The following FHIT variants were observed in gnomAD, a reference collection of about 807,000 sequenced individuals.
FHIT encodes bis(5'-adenosyl)-triphosphatase.
In FHIT, 19 loss-of-function variants were observed where a neutral mutation model predicts 17.9. The observed-to-expected ratio is 1.06, with a 90% CI of 0.74 to 1.56. FHIT has a LOEUF of 1.56. FHIT is among the 40% of genes most tolerant of loss of function. The pLI is 0.00. For synonymous variants in FHIT, 81 were observed against 69.7 expected (o/e 1.16, Z -0.81); for missense variants, 248 against 189.2 (o/e 1.31, Z -1.82).
At chr3:59,962,323 T>G (rs1707724825) in intron 7 of FHIT, among the ~76,000 whole-genome samples, 1 of 152,032 alleles carries the variant, frequency 6.6e-6, no homozygotes, top group Admixed American at 6.5e-5. Flanking sequence ...GTTCTCAGTT[T>G]TTTTCTTCTT....
chr3:61,101,838 T>A (rs898526909), intron 2 of FHIT, among the ~76,000 whole-genome samples: 6 of 152,204 alleles, frequency 3.9e-5, no homozygotes, highest in African/African-American at 1.4e-4. Context: ...AGTTCACTTA[T>A]GATTTAGCTC....
chr3:60,826,346 G>A (rs1702122418), intron 3 of FHIT, among the ~76,000 whole-genome samples: 1 of 149,434 alleles, frequency 6.7e-6, no homozygotes, highest in South Asian at 2.1e-4. Flanking sequence ...TTTGTTTTGA[G>A]ATGGACTTTC....
intron 7 of FHIT, among the ~76,000 whole-genome samples, chr3:60,009,250 C>A (rs1029578756): frequency 2.0e-4 from 28 of 140,072 alleles, no homozygotes; most frequent in African/African-American, 7.4e-4. Context: ...TTCTTATAAC[C>A]ACCATATTCT....
chr3:60,016,098 A>G (rs1478999421), intron 5 of FHIT, among the ~76,000 whole-genome samples: 1 of 152,174 alleles, frequency 6.6e-6, no homozygotes, highest in African/African-American at 2.4e-5. Flanking sequence ...ATGAAGACAC[A>G]TTTACTTCTG....
At chr3:59,943,789 G>A (rs1706656943) in intron 7 of FHIT, among the ~76,000 whole-genome samples, 1 of 152,164 alleles carries the variant, frequency 6.6e-6, no homozygotes, top group South Asian at 2.1e-4. Context: ...GAAAGCCAAA[G>A]GCAGCTTAAG....
At chr3:60,593,993 T>A (rs2038178263) in intron 4 of FHIT, among the ~76,000 whole-genome samples, 3 of 152,134 alleles carry the variant, frequency 2.0e-5, no homozygotes, top group African/African-American at 7.2e-5. Flanking sequence ...TCTCATGGTA[T>A]ATGAAAGTAA....
intron 8 of FHIT, among the ~76,000 whole-genome samples, chr3:59,753,295 A>C (rs973198773): frequency 6.6e-6 from 1 of 152,230 alleles, no homozygotes; most frequent in Non-Finnish European, 1.5e-5. Context: ...AAAACAACTT[A>C]CAAAAAATTA....
At chr3:60,235,922 A>G (rs1704760218) in intron 5 of FHIT, among the ~76,000 whole-genome samples, 1 of 152,136 alleles carries the variant, frequency 6.6e-6, no homozygotes, top group South Asian at 2.1e-4. Flanking sequence ...TCCAGGGTTC[A>G]TAGGGTATTG....
rs537134645 is a variant in FHIT at position 60,761,354 on chromosome 3, G to C, written c.-18+60565C>G. 3.3e-5 allele frequency among the ~76,000 whole-genome samples: 5 copies of C among 152,296 alleles called. 1 individual carries two copies. The highest frequency in any genetic ancestry group is 4.1e-4 in the South Asian group (2 of 4,822). On this transcript the variant is annotated intron_variant, in intron 4 of 9. Transcript: ENST00000492590. Reference sequence around the variant, plus strand: ...TATGAGCACATGCATGTCTCAGAGAGAGCAACAGATAAAAAATTATTTCTT... The same window carrying C: ...TATGAGCACATGCATGTCTCAGAGACAGCAACAGATAAAAAATTATTTCTT...
At chr3:60,045,741 C>T (rs1008087979) in intron 5 of FHIT, among the ~76,000 whole-genome samples, 2 of 152,116 alleles carry the variant, frequency 1.3e-5, no homozygotes, top group Non-Finnish European at 2.9e-5. Context: ...GGAGGCAGAA[C>T]TGAAAAAATT....
intron 8 of FHIT, among the ~76,000 whole-genome samples, chr3:59,844,212 C>A (rs1289604806): frequency 6.6e-6 from 1 of 152,080 alleles, no homozygotes; most frequent in Non-Finnish European, 1.5e-5. Flanking sequence ...TCTTTTATAG[C>A]AATGGAAGAA....
At chr3:60,457,381 T>C (rs539134158) in intron 5 of FHIT, among the ~76,000 whole-genome samples, 120 of 152,226 alleles carry the variant, frequency 7.9e-4, no homozygotes, top group African/African-American at 2.7e-3. Flanking sequence ...TAGCCATGTG[T>C]AGAAAGCTGA....
chr3:60,474,798 T>C (rs957452328), intron 5 of FHIT, among the ~76,000 whole-genome samples: 2 of 151,960 alleles, frequency 1.3e-5, no homozygotes, highest in African/African-American at 4.8e-5. Context: ...TACTTTTGTA[T>C]TTTTAGTAGA....
intron 4 of FHIT, chr3:60,618,183 A>T (rs563096978): frequency 1.3e-5 from 2 of 153,774 alleles, no homozygotes; most frequent in South Asian, 2.1e-4. Flanking sequence ...TCTTAACCAC[A>T]GATATATATA....
At chr3:61,029,979 T>C (rs982920220) in intron 3 of FHIT, among the ~76,000 whole-genome samples, 1 of 152,182 alleles carries the variant, frequency 6.6e-6, no homozygotes, top group Admixed American at 6.5e-5. Flanking sequence ...TTTGTTTGTT[T>C]GTTTGTTTGA....
chr3:60,031,287 C>G (rs558212271), intron 5 of FHIT, among the ~76,000 whole-genome samples: 28 of 152,258 alleles, frequency 1.8e-4, no homozygotes, highest in African/African-American at 5.8e-4. Context: ...CAGGAACAGC[C>G]TATAGCACAT....
At chr3:60,861,670 A>C (rs1224843245) in intron 3 of FHIT, among the ~76,000 whole-genome samples, 1 of 152,118 alleles carries the variant, frequency 6.6e-6, no homozygotes, top group Non-Finnish European at 1.5e-5. Context: ...AAGTTCCAAA[A>C]GAGGTCCAGC....
At chr3:59,768,496 C>A (rs372015830) in intron 8 of FHIT, among the ~76,000 whole-genome samples, 1 of 152,176 alleles carries the variant, frequency 6.6e-6, no homozygotes, top group Non-Finnish European at 1.5e-5. Context: ...AGGTGGCCCT[C>A]CAAGATGGTT....
intron 7 of FHIT, among the ~76,000 whole-genome samples, chr3:59,975,563 A>G (rs959304557): frequency 2.0e-5 from 3 of 152,082 alleles, no homozygotes; most frequent in African/African-American, 7.2e-5. Context: ...TTCTCTTTCT[A>G]CAATTGACGG....
Sources: gnomAD v4.1 joint callset for allele counts (sites outside exome capture counted in the v4.1 genomes callset) on GRCh38, gnomAD v4.1.1 for gene constraint, MANE v1.5 for transcripts, NCBI Gene and HGNC (gene_info 2026-07-23, HGNC 2026-07-21) for gene names.